The following SPAST variants were observed in gnomAD, a reference collection of about 807,000 sequenced individuals.
The protein encoded by SPAST is spastic paraplegia 4 (autosomal dominant; spastin).
A neutral mutation model predicts 76.6 loss-of-function variants in SPAST; 30 were observed. That is an observed-to-expected ratio of 0.39 (90% CI 0.29 to 0.53). The LOEUF (loss-of-function observed/expected upper bound fraction) is 0.53. Among genes scored for constraint, SPAST ranks in the 20% least tolerant of loss-of-function variants. SPAST has a pLI of 0.68. For synonymous variants in SPAST, 305 were observed against 281.0 expected (o/e 1.09, Z -0.86); for missense variants, 717 against 770.5 (o/e 0.93, Z 0.82).
intron 13 of SPAST, among the ~76,000 whole-genome samples, chr2:32,142,359 A>C (rs1336001984): frequency 6.6e-6 from 1 of 152,214 alleles, no homozygotes; most frequent in Non-Finnish European, 1.5e-5. Context: ...AAGCAAGATG[A>C]TATATGTCGC....
intron 4 of SPAST, among the ~76,000 whole-genome samples, chr2:32,109,942 ATAGT>A (rs1018193634): frequency 1.5e-4 from 22 of 148,496 alleles, no homozygotes; most frequent in African/African-American, 5.2e-4. Flanking sequence ...ATATACATAT[ATAGT>A]TACATATGTA....
chr2:32,120,012 G>A (rs1251696698), intron 7 of SPAST, among the ~76,000 whole-genome samples: 1 of 150,860 alleles, frequency 6.6e-6, no homozygotes, highest in Non-Finnish European at 1.5e-5. Context: ...AAATTTCCAT[G>A]AATTTCTTTC....
intron 1 of SPAST, among the ~76,000 whole-genome samples, chr2:32,077,169 CG>C (rs892532705): frequency 6.6e-6 from 1 of 152,096 alleles, no homozygotes; most frequent in Non-Finnish European, 1.5e-5. Flanking sequence ...CCACCGCGCC[CG>C]GCTTTAATTG....
At chr2:32,064,269 G>GGGCGGC (rs1403191911) in intron 1 of SPAST, 23 bp downstream of exon 1, 2 of 1,513,980 alleles carry the variant, frequency 1.3e-6, no homozygotes, top group Non-Finnish European at 1.8e-6. Flanking sequence ...CTGGGGGAGG[G>GGGCGGC]GGCGGCGGCG....
intron 15 of SPAST, 27 bp downstream of exon 15, chr2:32,145,034 T>G (rs1038532230): frequency 6.6e-7 from 1 of 1,525,552 alleles, no homozygotes; most frequent in Admixed American, 1.7e-5. Context: ...TTAAAACATT[T>G]AGAACTATTT....
intron 1 of SPAST, among the ~76,000 whole-genome samples, chr2:32,073,548 T>C (rs996743752): frequency 2.0e-5 from 3 of 152,134 alleles, no homozygotes; most frequent in African/African-American, 7.2e-5. Flanking sequence ...CAGGCTGGTC[T>C]TGAACTCCTG....
chr2:32,103,781 G>C (rs567898918), intron 4 of SPAST, among the ~76,000 whole-genome samples: 3 of 152,212 alleles, frequency 2.0e-5, no homozygotes, highest in South Asian at 2.1e-4. Flanking sequence ...GTGGTTTTGC[G>C]TGAGTTTCTT....
At chr2:32,072,020 G>C (rs1676769964) in intron 1 of SPAST, among the ~76,000 whole-genome samples, 1 of 152,106 alleles carries the variant, frequency 6.6e-6, no homozygotes, top group Admixed American at 6.6e-5. Context: ...ATAATTTAGG[G>C]TAAAATACTT....
At chr2:32,111,956 A>C (rs1678625164) in intron 4 of SPAST, among the ~76,000 whole-genome samples, 1 of 146,590 alleles carries the variant, frequency 6.8e-6, no homozygotes, top group Admixed American at 6.9e-5. Context: ...TTTATTTAAA[A>C]ATGTATAATT....
chr2:32,110,633 GTAGTATATA>G (rs893632952), intron 4 of SPAST, among the ~76,000 whole-genome samples: 45 of 130,302 alleles, frequency 3.5e-4, no homozygotes, highest in Middle Eastern at 4.8e-3. Context: ...TATAGTATAT[GTAGTATATA>G]TAGTATATAT....
intron 1 of SPAST, among the ~76,000 whole-genome samples, chr2:32,081,540 T>G (rs1467474660): frequency 1.3e-5 from 2 of 151,974 alleles, no homozygotes; most frequent in Non-Finnish European, 2.9e-5. Flanking sequence ...TCCACCACTT[T>G]CAGAGTTCAC....
chr2:32,099,013 G>A, intron 4 of SPAST, 122 bp downstream of exon 4: 3 of 738,444 alleles, frequency 4.1e-6, no homozygotes, highest in East Asian at 2.7e-5. Flanking sequence ...TTTTCACAGG[G>A]CTGTGTTGAA....
intron 16 of SPAST, among the ~76,000 whole-genome samples, chr2:32,154,045 T>C (rs1680173111): frequency 6.6e-6 from 1 of 152,212 alleles, no homozygotes; most frequent in African/African-American, 2.4e-5. Flanking sequence ...TTGTGATTCT[T>C]TTTTTCTCTT....
intron 1 of SPAST, among the ~76,000 whole-genome samples, chr2:32,070,363 C>G (rs991703704): frequency 2.0e-5 from 3 of 152,044 alleles, no homozygotes; most frequent in Non-Finnish European, 4.4e-5. Context: ...CCACTGCACC[C>G]AACCCATACT....
intron 16 of SPAST, among the ~76,000 whole-genome samples, chr2:32,149,216 C>T (rs1282139090): frequency 1.3e-5 from 2 of 150,122 alleles, no homozygotes; most frequent in African/African-American, 2.4e-5. Flanking sequence ...CAGCCTCCTG[C>T]GTAGCTGAGA....
At chr2:32,115,063 C>T (rs1157294610) in intron 5 of SPAST, among the ~76,000 whole-genome samples, 2 of 151,624 alleles carry the variant, frequency 1.3e-5, no homozygotes, top group Non-Finnish European at 2.9e-5. Flanking sequence ...ATTCTCCTGC[C>T]TCAGCCTCCC....
intron 16 of SPAST, among the ~76,000 whole-genome samples, chr2:32,151,260 T>G (rs558432519): frequency 4.6e-5 from 7 of 152,174 alleles, no homozygotes; most frequent in Admixed American, 1.3e-4. Context: ...ATACTTTCAT[T>G]CAGTTGTTTC....
At chr2:32,077,015 A>G (rs1676988874) in intron 1 of SPAST, among the ~76,000 whole-genome samples, 1 of 151,998 alleles carries the variant, frequency 6.6e-6, no homozygotes, top group South Asian at 2.1e-4. Context: ...AGCTGGAATT[A>G]CAGGCGCCTG....
intron 3 of SPAST, among the ~76,000 whole-genome samples, chr2:32,095,123 T>C (rs1166331748): frequency 1.3e-5 from 2 of 152,180 alleles, no homozygotes; most frequent in African/African-American, 4.8e-5. Flanking sequence ...AGAAAAGTGA[T>C]AGAGGCTTGC....
Sources: allele counts gnomAD v4.1 joint callset (sites outside exome capture counted in the v4.1 genomes callset), GRCh38; gene constraint gnomAD v4.1.1; transcripts MANE v1.5; gene names NCBI Gene and HGNC (gene_info 2026-07-23, HGNC 2026-07-21).